ESRRG: variants seen among roughly 807,000 people sequenced by gnomAD.
ESRRG encodes estrogen-related receptor gamma.
ESRRG carries 13 observed loss-of-function variants against 44.0 expected under a neutral mutation model. The observed-to-expected ratio is 0.30, with a 90% CI of 0.19 to 0.47. The LOEUF (loss-of-function observed/expected upper bound fraction) is 0.47. Among genes scored for constraint, ESRRG ranks in the 20% least tolerant of loss-of-function variants. ESRRG has a pLI of 1.00. For missense variants in ESRRG, 395 were observed against 580.6 expected (o/e 0.68, Z 3.29); for synonymous variants, 215 against 214.6 (o/e 1.00, Z -0.02).
chr1:216,795,676 C>T (rs890873900), intron 2 of ESRRG, among the ~76,000 whole-genome samples: 2 of 151,932 alleles, frequency 1.3e-5, no homozygotes, highest in African/African-American at 4.8e-5. Context: ...AACATGAATA[C>T]AATTCTAGGA....
intron 1 of ESRRG, among the ~76,000 whole-genome samples, chr1:216,981,058 G>A (rs2073886352): frequency 6.6e-6 from 1 of 152,128 alleles, no homozygotes; most frequent in Non-Finnish European, 1.5e-5. Flanking sequence ...TACCATGCCA[G>A]TCACTAATTA....
intron 2 of ESRRG, among the ~76,000 whole-genome samples, chr1:216,918,431 T>A (rs914125253): frequency 4.5e-4 from 68 of 152,286 alleles, no homozygotes; most frequent in Non-Finnish European, 6.2e-4. Flanking sequence ...CTGCTATGTG[T>A]TACCTATTTT....
chr1:216,875,518 A>G (rs2096336001), intron 2 of ESRRG, among the ~76,000 whole-genome samples: 1 of 152,154 alleles, frequency 6.6e-6, no homozygotes, highest in South Asian at 2.1e-4. Context: ...CGCATGTTAT[A>G]TGTTTAGCTT....
chr1:216,678,516 A>C (rs2076492150), intron 1 of ESRRG, among the ~76,000 whole-genome samples: 1 of 152,220 alleles, frequency 6.6e-6, no homozygotes, highest in Non-Finnish European at 1.5e-5. Context: ...TAAAAGGAAA[A>C]ATGATGAAAC....
chr1:216,916,667 T>G (rs147894108), intron 2 of ESRRG, among the ~76,000 whole-genome samples: 20 of 152,102 alleles, frequency 1.3e-4, no homozygotes, highest in African/African-American at 4.6e-4. Context: ...CATTTTCTTT[T>G]TCAGAATTCA....
At chr1:216,512,558 T>C (rs2043028201) in intron 6 of ESRRG, among the ~76,000 whole-genome samples, 1 of 152,152 alleles carries the variant, frequency 6.6e-6, no homozygotes, top group African/African-American at 2.4e-5. Flanking sequence ...GTGATGACTA[T>C]AAAACTCAGG....
chr1:216,514,239 A>G (rs2043525969), intron 6 of ESRRG, among the ~76,000 whole-genome samples: 1 of 152,196 alleles, frequency 6.6e-6, no homozygotes, highest in Admixed American at 6.5e-5. Flanking sequence ...CACTTCCAAA[A>G]TATCTTATTC....
In ESRRG at chr1:216,801,244, A is replaced by G. The variant is rs191003505; in HGVS notation, c.-13-123753T>C. ...TGCTATTTCAGAAAAAAGTTAATTG[A>G]ATTTTTTTGAGATGGGATCTTGCTA... On this transcript the variant is annotated intron_variant, in intron 2 of 7. Transcript: ENST00000359162. 2.9e-3 allele frequency among the ~76,000 whole-genome samples: 445 copies of G among 152,196 alleles called. 1 individual carries two copies. The highest frequency in any genetic ancestry group is 0.01 in the African/African-American group (433 of 41,560).
intron 1 of ESRRG, among the ~76,000 whole-genome samples, chr1:216,953,553 C>T (rs999739370): frequency 2.6e-5 from 4 of 152,006 alleles, no homozygotes; most frequent in African/African-American, 9.7e-5. Flanking sequence ...TTTCTGTTCC[C>T]TATCCCCGAT....
At chr1:216,743,915 C>G (rs984007051) in intron 2 of ESRRG, among the ~76,000 whole-genome samples, 5 of 152,166 alleles carry the variant, frequency 3.3e-5, no homozygotes, top group African/African-American at 1.2e-4. Context: ...AGAAATAATT[C>G]TAATCCTGCT....
At chr1:216,592,107 C>G (rs758460976) in intron 3 of ESRRG, among the ~76,000 whole-genome samples, 1 of 152,096 alleles carries the variant, frequency 6.6e-6, no homozygotes, top group Non-Finnish European at 1.5e-5. Flanking sequence ...AATCTAATCA[C>G]GAAGAAACAC....
At chr1:216,808,666 T>G (rs1391371871) in intron 2 of ESRRG, among the ~76,000 whole-genome samples, 1 of 152,084 alleles carries the variant, frequency 6.6e-6, no homozygotes, top group Non-Finnish European at 1.5e-5. Flanking sequence ...TCAAGCTATC[T>G]GCCTACCTCA....
At chr1:216,904,703 G>A (rs1302514842) in intron 2 of ESRRG, among the ~76,000 whole-genome samples, 3 of 152,174 alleles carry the variant, frequency 2.0e-5, no homozygotes, top group Non-Finnish European at 2.9e-5. Context: ...CGGCTGTGGC[G>A]TGATCATTAG....
chr1:216,566,479 C>T (rs566423675), intron 4 of ESRRG, among the ~76,000 whole-genome samples: 8 of 152,258 alleles, frequency 5.3e-5, no homozygotes, highest in Non-Finnish European at 7.4e-5. Context: ...CTCAGGTTTA[C>T]GAAGAAAACC....
intron 1 of ESRRG, among the ~76,000 whole-genome samples, chr1:217,105,734 C>G (rs1350788211): frequency 2.6e-5 from 4 of 152,136 alleles, no homozygotes; most frequent in African/African-American, 4.8e-5. Context: ...CATTCTGCAC[C>G]TGGACAATCA....
chr1:216,925,683 G>A (rs1483985164), intron 2 of ESRRG, among the ~76,000 whole-genome samples: 1 of 150,890 alleles, frequency 6.6e-6, no homozygotes, highest in South Asian at 2.1e-4. Context: ...GGGTGTGGTG[G>A]CTCACTCCTG....
At chr1:216,780,910 C>G (rs2093910030) in intron 2 of ESRRG, among the ~76,000 whole-genome samples, 1 of 151,940 alleles carries the variant, frequency 6.6e-6, no homozygotes. Flanking sequence ...TATTGTGACT[C>G]TATTTAAAGA....
chr1:217,031,763 A>G (rs913159888), intron 1 of ESRRG, among the ~76,000 whole-genome samples: 2 of 152,134 alleles, frequency 1.3e-5, no homozygotes, highest in South Asian at 2.1e-4. Flanking sequence ...AGGAGATCTG[A>G]TGGTTTCATT....
chr1:216,515,516 C>A (rs142397742), intron 6 of ESRRG, among the ~76,000 whole-genome samples: 3 of 152,172 alleles, frequency 2.0e-5, no homozygotes, highest in African/African-American at 4.8e-5. Context: ...CATACATAAC[C>A]ATTTGTCCTT....
Sources: gnomAD v4.1 joint callset for allele counts (sites outside exome capture counted in the v4.1 genomes callset) on GRCh38, gnomAD v4.1.1 for gene constraint, MANE v1.5 for transcripts, NCBI Gene and HGNC (gene_info 2026-07-23, HGNC 2026-07-21) for gene names.